Variants in ZIM2 observed in about 807,000 individuals in gnomAD.
ZIM2 encodes zinc finger imprinted 2.
Under a neutral mutation model 38.6 loss-of-function variants are expected in ZIM2, and 14 were observed. The ratio of observed to expected loss-of-function variants is 0.36; its 90% CI spans 0.24 to 0.57. The LOEUF is 0.57. ZIM2 is among the 20% of genes least tolerant of loss of function. The pLI is 0.81. For missense variants in ZIM2, 680 were observed against 695.1 expected (o/e 0.98, Z 0.24); for synonymous variants, 247 against 245.8 (o/e 1.00, Z -0.04).
At chr19:56,799,964 G>A (rs1448778601) in intron 9 of ZIM2, among the ~76,000 whole-genome samples, 1 of 152,198 alleles carries the variant, frequency 6.6e-6, no homozygotes, top group Non-Finnish European at 1.5e-5. Flanking sequence ...TTCCATTCAT[G>A]CTAATTCTAC....
In ZIM2 at chr19:56,789,951, C is replaced by T. The variant is rs2046840533; in HGVS notation, c.491G>A (p.Gly164Asp). The T allele has an allele frequency of 6.4e-7, 1 of 1,551,628 alleles. No individual in the cohort carries two copies. Among genetic ancestry groups the T allele is most frequent in the Non-Finnish European group, 8.8e-7 (1 of 1,138,248 alleles). The change falls in exon 10 of 13, where the codon GGT becomes GAT. Residue 164 changes from glycine (G) to aspartate (D), a missense_variant and splice_region_variant. Transcript: ENST00000629319. ...AGGGACAGAGTCCTGAGCAAGGAAA[C>T]CTAGAAGGGAGAGAGGAATACCATG... ...KRSAYPSTSR[G>D]FLAQDSVPAE...
At chr19:56,832,687 A>T (rs1026134635) in intron 2 of ZIM2, among the ~76,000 whole-genome samples, 3 of 152,198 alleles carry the variant, frequency 2.0e-5, no homozygotes, top group Non-Finnish European at 4.4e-5. Context: ...AGAGGCGCCA[A>T]GTGATGGGGC....
chr19:56,837,864 C>T (rs2062360791), intron 1 of ZIM2, among the ~76,000 whole-genome samples: 1 of 152,090 alleles, frequency 6.6e-6, no homozygotes, highest in African/African-American at 2.4e-5. Context: ...CTAGGATGGA[C>T]GGGGCTCACG....
At chr19:56,832,394 C>T (rs1469687398) in intron 2 of ZIM2, among the ~76,000 whole-genome samples, 1 of 152,106 alleles carries the variant, frequency 6.6e-6, no homozygotes, top group Non-Finnish European at 1.5e-5. Context: ...GGGGCTAACA[C>T]GCATCAAGCT....
In ZIM2 at chr19:56,775,135, A is replaced by G; in HGVS notation, c.1230T>C (p.Ser410=). 1 of 1,614,198 alleles carries G rather than the reference A, an allele frequency of 6.2e-7. No individual in the cohort carries two copies. ...CATTGCAGCCAGAAGTCTTCCTACC[A>G]GAATGGGTCTTCTGATGTCTGTTGA... ...PHLNRHQKTH[S]GRKTSGCNEG... The change falls in exon 13 of 13, where the codon TCT becomes TCC. Residue 410 remains serine, a synonymous_variant. Coordinates refer to ENST00000629319, the MANE Select transcript of ZIM2 (RefSeq NM_001387356.1).
At chr19:56,815,420 G>T (rs116297129) in intron 9 of ZIM2, 12 of 1,614,076 alleles carry the variant, frequency 7.4e-6, no homozygotes, top group Non-Finnish European at 1.0e-5. Flanking sequence ...GCCAAGCTGC[G>T]AATGACAGAC....
At chr19:56,789,314 G>A (rs572283484) in intron 10 of ZIM2, among the ~76,000 whole-genome samples, 13 of 152,182 alleles carry the variant, frequency 8.5e-5, no homozygotes, top group Admixed American at 3.9e-4. Flanking sequence ...TGCTAAATCC[G>A]GCCAGCCGAA....
chr19:56,789,695 GA>G (rs952322718), intron 10 of ZIM2, among the ~76,000 whole-genome samples, 176 bp downstream of exon 10: 10 of 151,412 alleles, frequency 6.6e-5, no homozygotes, highest in East Asian at 3.9e-4. Context: ...GGAGAAATAA[GA>G]AAAAAAAGAA....
In ZIM2 at chr19:56,835,386, A is replaced by G. The variant is rs561786185; in HGVS notation, c.-227+632T>C. 2.1e-3 allele frequency among the ~76,000 whole-genome samples: 314 copies of G among 152,166 alleles called. 4 individuals are homozygous for G. Among genetic ancestry groups the G allele is most frequent in the Admixed American group, 0.02 (311 of 15,284 alleles). On this transcript the variant is annotated intron_variant, in intron 2 of 12. Transcript: ENST00000629319. The stretch of plus-strand genomic sequence containing the variant: ...ACTCAACGATTCCCTTGCTCTAGGA[A>G]TCCTGGATTTTCAGCTCCTCTCTCT...
intron 2 of ZIM2, among the ~76,000 whole-genome samples, chr19:56,826,739 G>A (rs2146418949): frequency 6.6e-6 from 1 of 152,296 alleles, no homozygotes; most frequent in Non-Finnish European, 1.5e-5. Context: ...CATGAAAGCA[G>A]AAATAAAAGT....
intron 11 of ZIM2, among the ~76,000 whole-genome samples, chr19:56,781,677 G>A (rs1015600424): frequency 2.6e-5 from 4 of 152,044 alleles, no homozygotes; most frequent in Admixed American, 2.6e-4. Context: ...ACAACAATAA[G>A]TATACCTCCC....
At chr19:56,794,916 A>G (rs752570526) in intron 9 of ZIM2, among the ~76,000 whole-genome samples, 49 of 152,348 alleles carry the variant, frequency 3.2e-4, no homozygotes, top group Non-Finnish European at 7.2e-4. Context: ...AGATTGAAAA[A>G]TATATCATTT....
chr19:56,814,305 A>G lies in ZIM2; in HGVS notation c.490+3441T>C, dbSNP rs2059771203. On this transcript the variant is annotated intron_variant, in intron 9 of 12. Coordinates refer to ENST00000629319, the MANE Select transcript of ZIM2 (RefSeq NM_001387356.1). This position sits in a 1 kb window ranked among gnomAD's most constrained non-coding sequence, Gnocchi z 5.8. The stretch of plus-strand genomic sequence containing the variant: ...GAATCCTCAGAACTACTTGTGGAAC[A>G]TGGACATTGGCTTCAACTTCCTGGG... 6.2e-7 allele frequency: 1 copy of G among 1,613,986 alleles called. No individual in the cohort carries two copies. The highest frequency in any genetic ancestry group is 1.3e-5 in the African/African-American group (1 of 74,922).
rs1320813379 is a variant in ZIM2 at position 56,775,158 on chromosome 19, T to TG, written c.1206dup (p.Asn403GlnfsTer10). On this transcript the variant is annotated frameshift_variant, in exon 13 of 13. Transcript: ENST00000629319. LOFTEE classifies it low-confidence loss of function (END_TRUNC). ...CCAGAATGGGTCTTCTGATGTCTGTTGAGGTGTGGCATGAGATAGAAGGCT... is the reference window on the plus strand; with the variant it reads ...CCAGAATGGGTCTTCTGATGTCTGTTGGAGGTGTGGCATGAGATAGAAGGCT... 1 of 1,614,130 alleles carries TG rather than the reference T, an allele frequency of 6.2e-7. No individual in the cohort carries two copies. Among genetic ancestry groups the TG allele is most frequent in the East Asian group, 2.2e-5 (1 of 44,874 alleles).
intron 2 of ZIM2, chr19:56,833,156 T>C (rs1467407371): frequency 3.9e-6 from 2 of 517,510 alleles, no homozygotes; most frequent in Non-Finnish European, 7.7e-6. Flanking sequence ...GACTCCGGTT[T>C]GGCCTCAGGC....
intron 2 of ZIM2, among the ~76,000 whole-genome samples, chr19:56,834,752 T>C (rs144477853): frequency 5.9e-5 from 9 of 152,288 alleles, no homozygotes; most frequent in Non-Finnish European, 7.4e-5. Flanking sequence ...CACCTGGTCA[T>C]GTCAGCTTCT....
chr19:56,810,905 ACT>A (rs1243510834), intron 9 of ZIM2: 1 of 961,460 alleles, frequency 1.0e-6, no homozygotes, highest in East Asian at 1.1e-4. Context: ...CACATAATAC[ACT>A]GTTATCAGGA....
At chr19:56,812,636 GTTA>G in intron 9 of ZIM2, 1 of 985,660 alleles carries the variant, frequency 1.0e-6, no homozygotes, top group African/African-American at 1.7e-5. Flanking sequence ...GTGATGAAAG[GTTA>G]TTAGCCTGCA....
At chr19:56,794,425 C>A (rs2145939824) in intron 9 of ZIM2, among the ~76,000 whole-genome samples, 1 of 152,340 alleles carries the variant, frequency 6.6e-6, no homozygotes, top group Non-Finnish European at 1.5e-5. Context: ...CCCACTAAAA[C>A]TTACGCCTTT....
Sources: allele counts gnomAD v4.1 joint callset (sites outside exome capture counted in the v4.1 genomes callset), GRCh38; gene constraint gnomAD v4.1.1; non-coding constraint Gnocchi (gnomAD v3.1); transcripts MANE v1.5; gene names NCBI Gene and HGNC (gene_info 2026-07-23, HGNC 2026-07-21).